KDM4C: variants seen among roughly 807,000 people sequenced by gnomAD.
KDM4C encodes the protein lysine demethylase 4C, also known as lysine-specific demethylase 4C.
Under a neutral mutation model 129.3 loss-of-function variants are expected in KDM4C, and 81 were observed. That is an observed-to-expected ratio of 0.63 (90% CI 0.52 to 0.75). The LOEUF is 0.75. Among genes scored for constraint, KDM4C ranks in the 30% least tolerant of loss-of-function variants. The probability of loss-of-function intolerance (pLI) is 0.00; values close to 1 mark genes in which losing one functional copy is unlikely to be tolerated. For synonymous variants in KDM4C, 573 were observed against 456.1 expected, an observed-to-expected ratio of 1.26 and a Z score of -3.26; for missense variants, 1,457 against 1,304.0, an observed-to-expected ratio of 1.12 and a Z score of -1.81.
At chr9:6,859,864 CA>C (rs34669716) in intron 5 of KDM4C, among the ~76,000 whole-genome samples, 24,916 of 84,730 alleles carry the variant, frequency 0.29, 2,077 homozygotes, top group Middle Eastern at 0.49. Flanking sequence ...GACTCCGTCT[CA>C]AAAAAAAAAA....
intron 12 of KDM4C, among the ~76,000 whole-genome samples, chr9:6,998,805 A>C (rs921418459): frequency 1.6e-4 from 24 of 152,234 alleles, no homozygotes; most frequent in Middle Eastern, 3.4e-3. Context: ...CCAAAAAAAC[A>C]AACCAACCAA....
chr9:7,090,677 T>C (rs1481210538), intron 17 of KDM4C, among the ~76,000 whole-genome samples: 2 of 152,224 alleles, frequency 1.3e-5, no homozygotes, highest in South Asian at 4.1e-4. Context: ...AACTGCAGAA[T>C]AGTCAAAACC....
intron 8 of KDM4C, among the ~76,000 whole-genome samples, chr9:6,966,913 A>G (rs1329556796): frequency 1.3e-5 from 2 of 152,222 alleles, no homozygotes; most frequent in East Asian, 1.9e-4. Flanking sequence ...ACAGAATGCA[A>G]TAATCATAAA....
At chr9:6,737,555 T>C (rs567039549) in intron 1 of KDM4C, among the ~76,000 whole-genome samples, 3 of 150,598 alleles carry the variant, frequency 2.0e-5, no homozygotes, top group African/African-American at 4.9e-5. Context: ...TCCCAGTTAC[T>C]TGGGAGCCTG....
intron 1 of KDM4C, among the ~76,000 whole-genome samples, chr9:6,737,286 C>T (rs1173373897): frequency 6.6e-6 from 1 of 151,940 alleles, no homozygotes; most frequent in South Asian, 2.1e-4. Flanking sequence ...ACTATGCATC[C>T]AACAAAGGTC....
chr9:6,823,750 C>G (rs1036783168), intron 4 of KDM4C, among the ~76,000 whole-genome samples: 1 of 152,314 alleles, frequency 6.6e-6, no homozygotes, highest in Admixed American at 6.5e-5. Context: ...TCTTGAGTCA[C>G]ATGGTGAAGC....
rs990532207 is a variant in KDM4C at position 6,797,977 on chromosome 9, C to T, written c.144+4845C>T. ...AGATTCACTAAACATAAAGATTTAA[C>T]TTTGGAATCTTTTAAAGATCTCAGT... is the stretch of plus-strand genomic sequence containing the variant. On this transcript the variant is annotated intron_variant, in intron 2 of 21. Transcript: ENST00000381309. 2.0e-5 allele frequency among the ~76,000 whole-genome samples: 3 copies of T among 152,126 alleles called. No homozygotes were observed. The East Asian group carries it at 5.8e-4, about 29-fold the overall frequency.
chr9:6,938,785 A>C (rs1825284891), intron 8 of KDM4C, among the ~76,000 whole-genome samples: 1 of 152,154 alleles, frequency 6.6e-6, no homozygotes. Flanking sequence ...GAAAGAGAAG[A>C]GTCTGAGGAG....
intron 15 of KDM4C, among the ~76,000 whole-genome samples, chr9:7,041,094 G>T (rs1246004412): frequency 2.7e-5 from 4 of 148,902 alleles, no homozygotes; most frequent in African/African-American, 4.9e-5. Context: ...CTATACATAT[G>T]GCCCTCTGTA....
At chr9:6,886,352 G>A (rs1223258516) in intron 6 of KDM4C, among the ~76,000 whole-genome samples, 1 of 145,316 alleles carries the variant, frequency 6.9e-6, no homozygotes, top group Non-Finnish European at 1.5e-5. Flanking sequence ...CTCTCTCGTT[G>A]CCCAGGCTGG....
chr9:6,926,341 T>TAAAAAAAAAAAAAAAAAAA lies in KDM4C; in HGVS notation c.921+33123_921+33124insAAAAAAAAAAAAAAAAAAA, dbSNP rs33974740. 1.8e-3 allele frequency among the ~76,000 whole-genome samples: 188 copies of TAAAAAAAAAAAAAAAAAAA among 107,228 alleles called. 1 individual carries two copies. The highest frequency in any genetic ancestry group is 6.0e-3 in the East Asian group (25 of 4,156). The allele number at this position is 107,228 out of a possible 152,430, so 70.3% of individuals were successfully genotyped here. ...GAAGCAGTTGTAGAGAGATAATTTGTAAAAAAAAAAAAAAGGACCAAAATA... is the reference window on the plus strand; with the variant it reads ...GAAGCAGTTGTAGAGAGATAATTTGTAAAAAAAAAAAAAAAAAAAAAAAAAAAAAAAAAGGACCAAAATA... On this transcript the variant is annotated intron_variant, in intron 8 of 21. Transcript: ENST00000381309.
chr9:7,076,838 A>G lies in KDM4C; in HGVS notation c.2425-26847A>G, dbSNP rs1357501891. 6.7e-5 allele frequency: 68 copies of G among 1,007,738 alleles called. No homozygotes were observed. In the East Asian group the frequency reaches 7.9e-4, roughly 12 times the overall value. 62.4% of individuals were successfully genotyped at this position (1,007,738 alleles called of 1,614,324 possible). A position where few individuals can be genotyped will look rare whatever the true frequency, so the allele number is the denominator to read the frequency against. On this transcript the variant is annotated intron_variant, in intron 17 of 21. Coordinates refer to ENST00000381309, the MANE Select transcript of KDM4C (RefSeq NM_015061.6). ...TACAGCCTCAAAAATTGTCATTGGA[A>G]TCAAAAGCTTTCCAAGGTGCATCAG...
chr9:7,053,111 A>G (rs1413219582), intron 17 of KDM4C, among the ~76,000 whole-genome samples: 1 of 152,204 alleles, frequency 6.6e-6, no homozygotes, highest in African/African-American at 2.4e-5. Flanking sequence ...GGCTAATAGA[A>G]TGACTGGTGG....
At chr9:6,839,232 CTGTTGTT>C (rs1836447713) in intron 4 of KDM4C, among the ~76,000 whole-genome samples, 1 of 151,952 alleles carries the variant, frequency 6.6e-6, no homozygotes, top group Admixed American at 6.6e-5. Flanking sequence ...ATAAATTTGT[CTGTTGTT>C]TTCCCTTTGA....
At chr9:6,928,460 G>A (rs1414711535) in intron 8 of KDM4C, among the ~76,000 whole-genome samples, 1 of 152,162 alleles carries the variant, frequency 6.6e-6, no homozygotes, top group Non-Finnish European at 1.5e-5. Flanking sequence ...TGCCTGGTTA[G>A]ACCCTTTGTC....
Position 6,899,895 on chromosome 9 carries a change from T to C in KDM4C, c.921+6663T>C, listed in dbSNP as rs527822618. Among the ~76,000 whole-genome samples, 3 of 152,346 alleles carry C rather than the reference T, an allele frequency of 2.0e-5. No homozygotes were observed. The East Asian group carries it at 5.8e-4, about 29-fold the overall frequency. On this transcript the variant is annotated intron_variant, in intron 8 of 21. Transcript: ENST00000381309. ...TGATGCTGATGTTTAGTTCTTAACCTGAAATCAAGGCATTATCTGCTTTTG... is the reference window on the plus strand; with the variant it reads ...TGATGCTGATGTTTAGTTCTTAACCCGAAATCAAGGCATTATCTGCTTTTG...
Position 6,925,776 on chromosome 9 carries a change from A to G in KDM4C, c.921+32544A>G, listed in dbSNP as rs145023159. 7.5e-3 allele frequency: 2,701 copies of G among 359,772 alleles called. 13 individuals are homozygous for G. Among genetic ancestry groups the G allele is most frequent in the South Asian group, 0.011 (94 of 8,780 alleles). The allele number at this position is 359,772 out of a possible 1,614,324, so 22.3% of individuals were successfully genotyped here. The stretch of plus-strand genomic sequence containing the variant: ...CTTTTTAATTGAGATTCATGTGTTC[A>G]AAATCATGTTTTAATTTTGTTTTTG... On this transcript the variant is annotated intron_variant, in intron 8 of 21. Transcript: ENST00000381309.
intron 5 of KDM4C, among the ~76,000 whole-genome samples, chr9:6,874,931 TAAAAA>T (rs34854547): frequency 7.5e-6 from 1 of 133,032 alleles, no homozygotes; most frequent in Non-Finnish European, 1.6e-5. Context: ...TCTCTACAGT[TAAAAA>T]AAAAAAAAAA....
intron 8 of KDM4C, among the ~76,000 whole-genome samples, chr9:6,901,417 A>C (rs190712234): frequency 1.3e-5 from 2 of 152,334 alleles, no homozygotes; most frequent in African/African-American, 2.4e-5. Context: ...TTGGTGTAGC[A>C]GCTCAGCAAC....
Sources: allele counts gnomAD v4.1 joint callset (sites outside exome capture counted in the v4.1 genomes callset), GRCh38; gene constraint gnomAD v4.1.1; transcripts MANE v1.5; gene names NCBI Gene and HGNC (gene_info 2026-07-23, HGNC 2026-07-21).